The following GEMIN5 variants were observed in gnomAD, a reference collection of about 807,000 sequenced individuals.
The protein encoded by GEMIN5 is gem nuclear organelle associated protein 5, also known as gem-associated protein 5.
A neutral mutation model predicts 176.9 loss-of-function variants in GEMIN5; 124 were observed. That is an observed-to-expected ratio of 0.70 (90% CI 0.61 to 0.81). The LOEUF (loss-of-function observed/expected upper bound fraction) is 0.81. Ranked by LOEUF, GEMIN5 falls within the 40% of genes least tolerant of loss-of-function variation. The probability of loss-of-function intolerance (pLI) is 0.00; values close to 1 mark genes in which losing one functional copy is unlikely to be tolerated. For synonymous variants in GEMIN5, 673 were observed against 665.2 expected (o/e 1.01, Z -0.18); for missense variants, 1,843 against 1,814.6 (o/e 1.02, Z -0.28).
chr5:154,920,553 CTTG>C (rs1763902735), intron 10 of GEMIN5, among the ~76,000 whole-genome samples: 2 of 152,150 alleles, frequency 1.3e-5, no homozygotes, highest in Admixed American at 6.5e-5. Flanking sequence ...CAGCAATCTT[CTTG>C]TTAATTTTTA....
chr5:154,925,021 AC>A (rs1422944994), intron 8 of GEMIN5, among the ~76,000 whole-genome samples: 15 of 152,130 alleles, frequency 9.9e-5, no homozygotes, highest in Non-Finnish European at 1.8e-4. Flanking sequence ...AACAAAAAAA[AC>A]AAAGTCAATG....
chr5:154,914,527 TTAA>T (rs1763774903), intron 13 of GEMIN5, among the ~76,000 whole-genome samples: 1 of 150,576 alleles, frequency 6.6e-6, no homozygotes, highest in Admixed American at 6.6e-5. Flanking sequence ...TTTTTTTTTT[TTAA>T]AGAGACTAGG....
chr5:154,908,330 A>G (rs2113477620), intron 15 of GEMIN5, among the ~76,000 whole-genome samples: 1 of 151,976 alleles, frequency 6.6e-6, no homozygotes, highest in Non-Finnish European at 1.5e-5. Flanking sequence ...ACAGGCACGC[A>G]CAACCACGCC....
At chr5:154,905,105 G>C (rs1204107099) in intron 17 of GEMIN5, among the ~76,000 whole-genome samples, 2 of 152,138 alleles carry the variant, frequency 1.3e-5, no homozygotes, top group Admixed American at 1.3e-4. Flanking sequence ...GAGGCAGGAG[G>C]ATCGCTTGAG....
chr5:154,917,531 G>A (rs557035494), intron 12 of GEMIN5, among the ~76,000 whole-genome samples: 1 of 152,278 alleles, frequency 6.6e-6, no homozygotes, highest in South Asian at 2.1e-4. Context: ...AATGATGATA[G>A]GGAGAAGCTA....
At chr5:154,936,974 C>T (rs1176152187) in intron 2 of GEMIN5, 51 bp downstream of exon 2, 4 of 1,475,020 alleles carry the variant, frequency 2.7e-6, no homozygotes, top group African/African-American at 1.4e-5. Context: ...ACAGAAGAAC[C>T]CTCAGCACAG....
intron 21 of GEMIN5, among the ~76,000 whole-genome samples, chr5:154,900,315 AGT>A (rs1052787167): frequency 6.6e-6 from 1 of 152,230 alleles, no homozygotes; most frequent in African/African-American, 2.4e-5. Flanking sequence ...CTGGGAAAAA[AGT>A]GTTTTATTAG....
chr5:154,917,158 A>T lies in GEMIN5; in HGVS notation c.1695T>A (p.Ile565=). ...NEDGSIEIFQ[I]PNLKLICTIQ... ...TAGTACAGATCAGTTTCAGGTTGGG[A>T]ATCTGAAATATTTCTATTGATCTGG... The change falls in exon 13 of 28, where the codon ATT becomes ATA. Residue 565 remains isoleucine, a synonymous_variant. Transcript: ENST00000285873. 1.3e-6 allele frequency: 2 copies of T among 1,499,002 alleles called. No homozygotes were observed. Among genetic ancestry groups the T allele is most frequent in the Non-Finnish European group, 1.8e-6 (2 of 1,107,854 alleles). 92.9% of individuals were successfully genotyped at this position (1,499,002 alleles called of 1,614,324 possible).
In GEMIN5 at chr5:154,919,692, T is replaced by C. The variant is rs539213867; in HGVS notation, c.1599+275A>G. ...AGTTTATAATAAATCATTGTTGCAA[T>C]TGAGACAGACCTTTTTTTCAGTAGT... On this transcript the variant is annotated intron_variant, in intron 11 of 27. Transcript: ENST00000285873. Among the ~76,000 whole-genome samples the C allele has an allele frequency of 3.4e-4, 52 of 152,366 alleles. No homozygotes were observed. In the South Asian group the frequency reaches 6.2e-3, roughly 18 times the overall value.
Position 154,898,470 on chromosome 5 carries a change from C to T in GEMIN5, c.3315G>A (p.Gln1105=). Residue 1105 remains glutamine, a synonymous_variant, in exon 23 of 28, where the codon CAG becomes CAA. Transcript: ENST00000285873. ...LLLANNWVGA[Q]EALQLHESLQ... ...GACTTTCATGCAGCTGCAGGGCTTCCTGGGCTCCCACCCAGTTGTTGGCCA... is the reference window on the plus strand; with the variant it reads ...GACTTTCATGCAGCTGCAGGGCTTCTTGGGCTCCCACCCAGTTGTTGGCCA... The T allele has an allele frequency of 6.2e-7, 1 of 1,614,144 alleles. No homozygotes were observed. The highest frequency in any genetic ancestry group is 1.1e-5 in the South Asian group (1 of 91,078).
At chr5:154,893,578 T>C (rs1210773760) in intron 24 of GEMIN5, among the ~76,000 whole-genome samples, 1 of 152,242 alleles carries the variant, frequency 6.6e-6, no homozygotes, top group African/African-American at 2.4e-5. Flanking sequence ...ACTGAAGATA[T>C]GCCCTCCGGC....
chr5:154,896,341 A>C lies in GEMIN5; in HGVS notation c.3348T>G (p.Gly1116=). The C allele has an allele frequency of 6.4e-7, 1 of 1,566,180 alleles. No homozygotes were observed. The highest frequency in any genetic ancestry group is 8.6e-7 in the Non-Finnish European group (1 of 1,159,536). Reference sequence around the variant, plus strand: ...CCAGAAGGCAAAACACCAATCTCTGACCCTGGAACACGACAACAAGGAAGA... The same window carrying C: ...CCAGAAGGCAAAACACCAATCTCTGCCCCTGGAACACGACAACAAGGAAGA... The part of the protein sequence containing the change: ...EALQLHESLQ[G]QRLVFCLLEL... Residue 1116 remains glycine (G), a splice_region_variant and synonymous_variant, in exon 24 of 28, where the codon GGT becomes GGG. Coordinates refer to ENST00000285873, the MANE Select transcript of GEMIN5 (RefSeq NM_015465.5).
rs374797807 is a variant in GEMIN5, at chr5:154,904,621, T to G, written c.2518A>C (p.Ile840Leu). ...EPPKEKPETL[I>L]KKRKARSLLP... is the part of the protein sequence containing the mutation. ...AAGGAACGAGCTTTTCTCTTCTTGA[T>G]TAAGGTTTCTGAAATTTAATAAAGT... The change falls in exon 18 of 28, where the codon ATC becomes CTC. Residue 840 changes from isoleucine to leucine, a missense_variant. By Grantham distance (5) the Ile-to-Leu change is conservative. Coordinates refer to ENST00000285873, the MANE Select transcript of GEMIN5 (RefSeq NM_015465.5). 3.1e-6 allele frequency: 5 copies of G among 1,610,694 alleles called. No individual in the cohort carries two copies. In the African/African-American group the frequency reaches 6.7e-5, roughly 22 times the overall value.
chr5:154,903,021 C>A (rs1387768347), intron 19 of GEMIN5, 59 bp downstream of exon 19: 2 of 1,118,532 alleles, frequency 1.8e-6, no homozygotes, highest in Non-Finnish European at 1.3e-6. Flanking sequence ...AAGAGGTGCA[C>A]ACAAAATGTT....
intron 27 of GEMIN5, among the ~76,000 whole-genome samples, chr5:154,889,101 C>A (rs1160092937): frequency 2.0e-5 from 3 of 152,134 alleles, no homozygotes; most frequent in African/African-American, 7.2e-5. Context: ...TGGTCTTGAT[C>A]TCCTGACCTC....
At chr5:154,897,666 T>C (rs1763377058) in intron 23 of GEMIN5, among the ~76,000 whole-genome samples, 2 of 152,194 alleles carry the variant, frequency 1.3e-5, no homozygotes, top group Admixed American at 1.3e-4. Context: ...TTTTTATTTT[T>C]AGTAGAGACA....
chr5:154,917,044 G>A lies in GEMIN5; in HGVS notation c.1809C>T (p.Gly603=), dbSNP rs1763825904. The change falls in exon 13 of 28, where the codon GGC becomes GGT. Residue 603 remains glycine, a synonymous_variant. Transcript: ENST00000285873. ...GCACGTAAATGACTGCATTGTTGGA[G>A]CCAGAGGCCATCAGATAGCTCAATT... is the stretch of plus-strand genomic sequence containing the variant. ...QPELSYLMAS[G]SNNAVIYVHN... The A allele has an allele frequency of 1.2e-6, 2 of 1,607,648 alleles. No individual in the cohort carries two copies. The highest frequency in any genetic ancestry group is 1.1e-5 in the South Asian group (1 of 90,412).
intron 12 of GEMIN5, among the ~76,000 whole-genome samples, chr5:154,917,640 T>TA (rs1301296088): frequency 2.6e-5 from 4 of 152,122 alleles, no homozygotes; most frequent in Admixed American, 6.6e-5. Context: ...AGGCTTACTT[T>TA]AAAAAAATGG....
chr5:154,931,944 C>G (rs1380747585), intron 4 of GEMIN5, among the ~76,000 whole-genome samples, 155 bp downstream of exon 4: 1 of 152,196 alleles, frequency 6.6e-6, no homozygotes, highest in African/African-American at 2.4e-5. Context: ...ACCCGGGAGG[C>G]GGAGGTTGCG....
Sources: gnomAD v4.1 joint callset for allele counts (sites outside exome capture counted in the v4.1 genomes callset) on GRCh38, gnomAD v4.1.1 for gene constraint, MANE v1.5 for transcripts, NCBI Gene and HGNC (gene_info 2026-07-23, HGNC 2026-07-21) for gene names.